ARAP2: variants seen among roughly 807,000 people sequenced by gnomAD.
ARAP2 encodes the protein arf-GAP with Rho-GAP domain, ANK repeat and PH domain-containing protein 2.
Under a neutral mutation model 194.5 loss-of-function variants are expected in ARAP2, and 148 were observed. That is an observed-to-expected ratio of 0.76 (90% CI 0.67 to 0.87). The LOEUF (loss-of-function observed/expected upper bound fraction) is 0.87. ARAP2 is among the 40% of genes least tolerant of loss of function. The pLI is 0.00. For missense variants in ARAP2, 2,128 were observed against 1,989.7 expected (o/e 1.07, Z -1.32); for synonymous variants, 695 against 683.5 (o/e 1.02, Z -0.26).
chr4:36,112,551 C>A (rs186487630), intron 26 of ARAP2, among the ~76,000 whole-genome samples: 1 of 151,934 alleles, frequency 6.6e-6, no homozygotes, highest in East Asian at 1.9e-4. Context: ...AACCAAGTGA[C>A]CCATTCTTTA....
intron 10 of ARAP2, chr4:36,005,478 A>T (rs1267171262): frequency 6.6e-6 from 1 of 152,188 alleles, no homozygotes; most frequent in Non-Finnish European, 1.5e-5. Flanking sequence ...ACTAAGTCAC[A>T]TTGTTCCAAA....
rs140821659 is a variant in ARAP2 at position 36,238,079 on chromosome 4, G to A, written c.-160+6100C>T. On this transcript the variant is annotated intron_variant, in intron 1 of 32. Transcript: ENST00000303965. ...TGGTTGTTTGGCATCTCTCTCCTCC[G>A]CCATCCATTCACTTACCTTAGTGTG... Among the ~76,000 whole-genome samples the A allele has an allele frequency of 1.7e-3, 252 of 152,136 alleles. 2 individuals carry two copies. The highest frequency in any genetic ancestry group is 5.5e-3 in the African/African-American group (227 of 41,500).
At chr4:36,020,882 G>A (rs915717461) in intron 5 of ARAP2, among the ~76,000 whole-genome samples, 7 of 152,188 alleles carry the variant, frequency 4.6e-5, no homozygotes, top group Non-Finnish European at 1.0e-4. Flanking sequence ...TGCTAACAAA[G>A]TTTGGAATAG....
At chr4:36,109,033 G>T (rs1373750643) in intron 26 of ARAP2, among the ~76,000 whole-genome samples, 1 of 151,910 alleles carries the variant, frequency 6.6e-6, no homozygotes, top group Non-Finnish European at 1.5e-5. Flanking sequence ...ATACTTGTAT[G>T]ATCCATCATA....
chr4:36,097,254 T>C (rs535223731), intron 27 of ARAP2, among the ~76,000 whole-genome samples: 1 of 152,170 alleles, frequency 6.6e-6, no homozygotes, highest in Admixed American at 6.6e-5. Context: ...ATGAAAGTTT[T>C]GAAAGGAATA....
chr4:36,103,239 A>T (rs1717503585), intron 27 of ARAP2, among the ~76,000 whole-genome samples: 1 of 151,804 alleles, frequency 6.6e-6, no homozygotes, highest in Non-Finnish European at 1.5e-5. Flanking sequence ...AGAAATATGC[A>T]TTTGAGTTAC....
At chr4:36,093,376 G>T (rs1022452485) in intron 27 of ARAP2, among the ~76,000 whole-genome samples, 2 of 151,816 alleles carry the variant, frequency 1.3e-5, no homozygotes, top group Admixed American at 6.6e-5. Flanking sequence ...TTTAAAAAAA[G>T]AAATAACAGG....
intron 2 of ARAP2, among the ~76,000 whole-genome samples, chr4:36,057,193 T>C (rs1723662022): frequency 1.3e-5 from 2 of 151,708 alleles, no homozygotes; most frequent in Admixed American, 1.3e-4. Flanking sequence ...TTAATAATTG[T>C]AATTGTTTTT....
chr4:36,148,079 C>T (rs1730070996), intron 17 of ARAP2, among the ~76,000 whole-genome samples: 1 of 152,104 alleles, frequency 6.6e-6, no homozygotes, highest in Non-Finnish European at 1.5e-5. Flanking sequence ...CTGCTCTTTT[C>T]TCCTTTGTGT....
chr4:36,074,211 A>G (rs1727705534), intron 31 of ARAP2, among the ~76,000 whole-genome samples: 1 of 152,178 alleles, frequency 6.6e-6, no homozygotes, highest in South Asian at 2.1e-4. Context: ...GTGTAAAAAT[A>G]ATTTCATCTT....
chr4:36,041,289 A>C (rs952220572), intron 5 of ARAP2, among the ~76,000 whole-genome samples: 3 of 152,160 alleles, frequency 2.0e-5, no homozygotes, highest in Non-Finnish European at 4.4e-5. Context: ...ATCTGACAAA[A>C]GTCTAATACC....
chr4:36,140,175 C>CACACAT (rs1283506325), intron 19 of ARAP2, among the ~76,000 whole-genome samples: 1 of 150,190 alleles, frequency 6.7e-6, no homozygotes, highest in Admixed American at 6.7e-5. Context: ...CACACACACA[C>CACACAT]ATCTTAGAGG....
At position 36,121,561 on chromosome 4, in the gene ARAP2, T is replaced by G. The variant is rs373654160; in HGVS notation, c.3747-235A>C. Among the ~76,000 whole-genome samples, 74 of 151,928 alleles carry G rather than the reference T, an allele frequency of 4.9e-4. 1 individual carries two copies. The highest frequency in any genetic ancestry group is 1.4e-3 in the African/African-American group (57 of 41,518). ...GTAAAAGTTACAAAGTCATACTTAA[T>G]TGTTGATTTAGAGAAAGGGCTGACC... On this transcript the variant is annotated intron_variant, in intron 22 of 32. Transcript: ENST00000303965.
At chr4:36,093,809 G>A (rs886193026) in intron 27 of ARAP2, among the ~76,000 whole-genome samples, 1 of 152,006 alleles carries the variant, frequency 6.6e-6, no homozygotes, top group East Asian at 1.9e-4. Flanking sequence ...TACTGTTTCC[G>A]TATTCATGTC....
chr4:36,179,770 T>C (rs981561265), intron 8 of ARAP2, among the ~76,000 whole-genome samples: 3 of 152,212 alleles, frequency 2.0e-5, no homozygotes, highest in African/African-American at 7.2e-5. Context: ...CATTATGGAT[T>C]GAAGTAAGTC....
At chr4:36,223,605 C>T (rs1019489144) in intron 2 of ARAP2, among the ~76,000 whole-genome samples, 1 of 152,112 alleles carries the variant, frequency 6.6e-6, no homozygotes, top group African/African-American at 2.4e-5. Context: ...CTCTAACCCC[C>T]AACGTGGCGA....
chr4:36,044,916 T>C (rs1721548974), intron 5 of ARAP2, among the ~76,000 whole-genome samples: 1 of 151,506 alleles, frequency 6.6e-6, no homozygotes, highest in Non-Finnish European at 1.5e-5. Context: ...CAAAAGAAGA[T>C]ATAGAAATGG....
At chr4:36,120,905 G>A (rs910429283) in intron 23 of ARAP2, among the ~76,000 whole-genome samples, 1 of 151,378 alleles carries the variant, frequency 6.6e-6, no homozygotes, top group East Asian at 1.9e-4. Flanking sequence ...TACACATGAA[G>A]AAAAAGAAAA....
intron 1 of ARAP2, among the ~76,000 whole-genome samples, chr4:36,237,468 G>T (rs1752664305): frequency 6.6e-6 from 1 of 152,152 alleles, no homozygotes; most frequent in African/African-American, 2.4e-5. Context: ...TCATGGGGGA[G>T]GATCCCTGAT....
Sources: gnomAD v4.1 joint callset for allele counts (sites outside exome capture counted in the v4.1 genomes callset) on GRCh38, gnomAD v4.1.1 for gene constraint, MANE v1.5 for transcripts, NCBI Gene and HGNC (gene_info 2026-07-23, HGNC 2026-07-21) for gene names.